TPMT: variants seen among roughly 807,000 people sequenced by gnomAD.
The protein encoded by TPMT is S-adenosyl-L-methionine:thiopurine S-methyltransferase.
In TPMT, 18 loss-of-function variants were observed where a neutral mutation model predicts 34.2. The observed-to-expected ratio is 0.53, with a 90% CI of 0.36 to 0.78. TPMT has a LOEUF of 0.78. Among genes scored for constraint, TPMT ranks in the 30% least tolerant of loss-of-function variants. The pLI, the probability that TPMT is intolerant of heterozygous loss-of-function variation, is 0.00. For missense variants in TPMT, 265 were observed against 288.1 expected (o/e 0.92, Z 0.58); for synonymous variants, 69 against 92.4 (o/e 0.75, Z 1.45).
Position 18,133,891 on chromosome 6 carries a change from T to A in TPMT, c.495-2A>T. The A allele has an allele frequency of 6.2e-7, 1 of 1,612,266 alleles. No homozygotes were observed. The highest frequency in any genetic ancestry group is 8.5e-7 in the Non-Finnish European group (1 of 1,178,414). On this transcript the variant is annotated splice_acceptor_variant, in intron 6 of 8. Transcript: ENST00000309983. LOFTEE classifies it high-confidence loss of function. Reference sequence around the variant, plus strand: ...AGGGAAAACATTGTATCTGCATAGCTACAAAGAACACAAGAAGGTATTTGT... The same window carrying A: ...AGGGAAAACATTGTATCTGCATAGCAACAAAGAACACAAGAAGGTATTTGT...
rs571841661 is a variant in TPMT, at chr6:18,130,874, C to G, written c.626-94G>C. ...TCAAAATTGGCTGGGTGCGGTGGCT[C>G]ACACCTGTAATCCCAACACTTTGGG... On this transcript the variant is annotated intron_variant, in intron 8 of 8. Transcript: ENST00000309983. The surrounding 1 kb of genome is among the most constrained non-coding windows in gnomAD (Gnocchi z 4.2). The G allele has an allele frequency of 7.3e-5, 73 of 999,968 alleles. No homozygotes were observed. Among genetic ancestry groups the G allele is most frequent in the African/African-American group, 4.8e-4 (30 of 62,530 alleles). The allele number at this position is 999,968 out of a possible 1,614,324, so 61.9% of individuals were successfully genotyped here.
Position 18,138,844 on chromosome 6 carries a change from T to C in TPMT, c.494+119A>G. The C allele has an allele frequency of 1.2e-6, 1 of 857,780 alleles. No homozygotes were observed. The highest frequency in any genetic ancestry group is 1.6e-5 in the South Asian group (1 of 63,962). The allele number at this position is 857,780 out of a possible 1,614,324, so 53.1% of individuals were successfully genotyped here. ...GTATTGGATTTAGGTTTTTATAAATTCCAAACATAATAACCTATTTCAAAC... is the reference window on the plus strand; with the variant it reads ...GTATTGGATTTAGGTTTTTATAAATCCCAAACATAATAACCTATTTCAAAC... On this transcript the variant is annotated intron_variant, in intron 6 of 8. Coordinates refer to ENST00000309983, the MANE Select transcript of TPMT (RefSeq NM_000367.5). This position sits in a 1 kb window ranked among gnomAD's most constrained non-coding sequence, Gnocchi z 4.1.
chr6:18,139,188 TGGGTGTGGAGA>T lies in TPMT; in HGVS notation c.420-162_420-152del. ...TTCCTCCTAGAGGAATGTGTGGACCTGGGTGTGGAGAGCTGTCCATCCCCTCATGGTTTTAG... is the reference window on the plus strand; with the variant it reads ...TTCCTCCTAGAGGAATGTGTGGACCTGCTGTCCATCCCCTCATGGTTTTAG... On this transcript the variant is annotated intron_variant, in intron 5 of 8. Coordinates refer to ENST00000309983, the MANE Select transcript of TPMT (RefSeq NM_000367.5). The surrounding 1 kb of genome is among the most constrained non-coding windows in gnomAD (Gnocchi z 4.2). 1 of 762,686 alleles carries T rather than the reference TGGGTGTGGAGA, an allele frequency of 1.3e-6. No individual in the cohort carries two copies. The highest frequency in any genetic ancestry group is 2.3e-6 in the Non-Finnish European group (1 of 437,418). 47.2% of individuals were successfully genotyped at this position (762,686 alleles called of 1,614,324 possible).
rs1254141319 is a variant in TPMT at position 18,145,081 on chromosome 6, A to T, written c.234-1353T>A. 6.6e-6 allele frequency among the ~76,000 whole-genome samples: 1 copy of T among 152,214 alleles called. No individual in the cohort carries two copies. The highest frequency in any genetic ancestry group is 1.9e-4 in the East Asian group (1 of 5,202). On this transcript the variant is annotated intron_variant, in intron 3 of 8. Coordinates refer to ENST00000309983, the MANE Select transcript of TPMT (RefSeq NM_000367.5). The surrounding 1 kb of genome is among the most constrained non-coding windows in gnomAD (Gnocchi z 5.6). Reference sequence around the variant, plus strand: ...AACAGTACCAGTGGTACAAATATCTAGGCACAGTTATGATTTTATGTCAAG... The same window carrying T: ...AACAGTACCAGTGGTACAAATATCTTGGCACAGTTATGATTTTATGTCAAG...
At chr6:18,141,974 C>T (rs2518465) in intron 4 of TPMT, among the ~76,000 whole-genome samples, 50,134 of 151,884 alleles carry the variant, frequency 0.33, 8,927 homozygotes, top group East Asian at 0.52. Context: ...ATGGTGCCAG[C>T]GAAGGGAAGA....
chr6:18,133,338 C>G (rs538615016), intron 7 of TPMT, among the ~76,000 whole-genome samples: 2 of 152,258 alleles, frequency 1.3e-5, no homozygotes, highest in African/African-American at 4.8e-5. Flanking sequence ...TATAAAACTT[C>G]AGAAATTAAA....
At position 18,150,494 on chromosome 6, in the gene TPMT, T is replaced by C. The variant is rs1490773912; in HGVS notation, c.-44-1323A>G. Among the ~76,000 whole-genome samples the C allele has an allele frequency of 6.6e-6, 1 of 152,194 alleles. No homozygotes were observed. The highest frequency in any genetic ancestry group is 1.5e-5 in the Non-Finnish European group (1 of 68,030). On this transcript the variant is annotated intron_variant, in intron 1 of 8. Transcript: ENST00000309983. The surrounding 1 kb of genome is among the most constrained non-coding windows in gnomAD (Gnocchi z 5.3). ...GGAATCTGCCCTGATTATTCTCTAA[T>C]CTTGGTAGACAGCTAGCTTTCTGGG...
Position 18,154,808 on chromosome 6 carries a change from C to T in TPMT, c.-45+225G>A, listed in dbSNP as rs1370963988. On this transcript the variant is annotated intron_variant, in intron 1 of 8. Transcript: ENST00000309983. This position sits in a 1 kb window ranked among gnomAD's most constrained non-coding sequence, Gnocchi z 4.2. ...AAGAAAAAAAAATAATTAAAACACA[C>T]CAGTGCTTTGGAAGCACTTTAAATC... 2.6e-5 allele frequency among the ~76,000 whole-genome samples: 4 copies of T among 152,142 alleles called. No homozygotes were observed. The highest frequency in any genetic ancestry group is 4.4e-5 in the Non-Finnish European group (3 of 68,016).
chr6:18,134,926 C>T (rs1325601012), intron 6 of TPMT, among the ~76,000 whole-genome samples: 1 of 152,188 alleles, frequency 6.6e-6, no homozygotes, highest in East Asian at 1.9e-4. Context: ...GGAGCCTGGG[C>T]TCTTGGCACT....
In TPMT at chr6:18,131,585, A is replaced by G. The variant is rs1438992417; in HGVS notation, c.625+548T>C. On this transcript the variant is annotated intron_variant, in intron 8 of 8. Coordinates refer to ENST00000309983, the MANE Select transcript of TPMT (RefSeq NM_000367.5). This position sits in a 1 kb window ranked among gnomAD's most constrained non-coding sequence, Gnocchi z 4.3. Reference sequence around the variant, plus strand: ...GACAGATCAAGATCCTATCTCAAAAATAAACAAATAAAAAAAAATATACCA... The same window carrying G: ...GACAGATCAAGATCCTATCTCAAAAGTAAACAAATAAAAAAAAATATACCA... Among the ~76,000 whole-genome samples, 1 of 152,196 alleles carries G rather than the reference A, an allele frequency of 6.6e-6. No individual in the cohort carries two copies. Among genetic ancestry groups the G allele is most frequent in the Non-Finnish European group, 1.5e-5 (1 of 68,030 alleles).
At position 18,143,117 on chromosome 6, in the gene TPMT, C is replaced by T. The variant is rs1784178481; in HGVS notation, c.366+479G>A. Among the ~76,000 whole-genome samples, 1 of 152,204 alleles carries T rather than the reference C, an allele frequency of 6.6e-6. No individual in the cohort carries two copies. The highest frequency in any genetic ancestry group is 2.1e-4 in the South Asian group (1 of 4,828). On this transcript the variant is annotated intron_variant, in intron 4 of 8. Coordinates refer to ENST00000309983, the MANE Select transcript of TPMT (RefSeq NM_000367.5). The surrounding 1 kb of genome is among the most constrained non-coding windows in gnomAD (Gnocchi z 6.1). ...CTATCTGTCACCATGCTTCAGGAAG[C>T]ACCGCCAGGTTGGGCAGGTAACTCC...
In TPMT at chr6:18,149,221, A is replaced by C; in HGVS notation, c.-44-50T>G. The C allele has an allele frequency of 6.9e-7, 1 of 1,444,322 alleles. No individual in the cohort carries two copies. Among genetic ancestry groups the C allele is most frequent in the African/African-American group, 1.4e-5 (1 of 71,636 alleles). The allele number at this position is 1,444,322 out of a possible 1,614,324, so 89.5% of individuals were successfully genotyped here. On this transcript the variant is annotated intron_variant, in intron 1 of 8. Coordinates refer to ENST00000309983, the MANE Select transcript of TPMT (RefSeq NM_000367.5). This position sits in a 1 kb window ranked among gnomAD's most constrained non-coding sequence, Gnocchi z 5.0. ...TGTCATTTAAGGTCATTGGAATTCTATTGATGAACTAAATGAAAACCTATT... is the reference window on the plus strand; with the variant it reads ...TGTCATTTAAGGTCATTGGAATTCTCTTGATGAACTAAATGAAAACCTATT...
chr6:18,146,888 G>T lies in TPMT; in HGVS notation c.233+935C>A, dbSNP rs370069990. 6.6e-6 allele frequency among the ~76,000 whole-genome samples: 1 copy of T among 152,092 alleles called. No homozygotes were observed. Among genetic ancestry groups the T allele is most frequent in the Non-Finnish European group, 1.5e-5 (1 of 68,028 alleles). On this transcript the variant is annotated intron_variant, in intron 3 of 8. Transcript: ENST00000309983. The surrounding 1 kb of genome is among the most constrained non-coding windows in gnomAD (Gnocchi z 6.2). ...CCCAAAAAATGCATGCATACTCTGC[G>T]TTAGTCACCGATATTTATATTCAGA... is the stretch of plus-strand genomic sequence containing the variant.
intron 6 of TPMT, 53 bp from the exon 7 acceptor site, chr6:18,133,942 T>C: frequency 1.4e-6 from 2 of 1,480,180 alleles, no homozygotes; most frequent in East Asian, 2.3e-5. Flanking sequence ...AGGCAAAGGC[T>C]GGAGGGACAA....
At position 18,130,748 on chromosome 6, in the gene TPMT, C is replaced by A. The variant is rs564243645; in HGVS notation, c.658G>T (p.Val220Phe). The change falls in exon 9 of 9, where the codon GTT becomes TTT. Residue 220 changes from valine (V) to phenylalanine (F), a missense_variant. By Grantham distance (50) the Val-to-Phe change is conservative (BLOSUM62 -1). Transcript: ENST00000309983. This position sits in a 1 kb window ranked among gnomAD's most constrained non-coding sequence, Gnocchi z 4.2. ...TTATGTCGTTCTTCAAAAGCATCAA[C>A]CTTCTCAAGACAACGTATATTGCAT... is the stretch of plus-strand genomic sequence containing the variant. ...KICNIRCLEKVDAFEERHKSW... is the reference protein window; with the variant it reads ...KICNIRCLEKFDAFEERHKSW... 21 of 1,613,676 alleles carry A rather than the reference C, an allele frequency of 1.3e-5. No individual in the cohort carries two copies. The African/African-American group carries it at 1.7e-4, about 13-fold the overall frequency.
Position 18,149,217 on chromosome 6 carries a change from T to A in TPMT, c.-44-46A>T. On this transcript the variant is annotated intron_variant, in intron 1 of 8. Transcript: ENST00000309983. This position sits in a 1 kb window ranked among gnomAD's most constrained non-coding sequence, Gnocchi z 5.0. Reference sequence around the variant, plus strand: ...ATGTTGTCATTTAAGGTCATTGGAATTCTATTGATGAACTAAATGAAAACC... The same window carrying A: ...ATGTTGTCATTTAAGGTCATTGGAAATCTATTGATGAACTAAATGAAAACC... 2 of 1,490,608 alleles carry A rather than the reference T, an allele frequency of 1.3e-6. No homozygotes were observed. Among genetic ancestry groups the A allele is most frequent in the Non-Finnish European group, 1.9e-6 (2 of 1,072,068 alleles). 92.3% of individuals were successfully genotyped at this position (1,490,608 alleles called of 1,614,324 possible). A position where few individuals can be genotyped will look rare whatever the true frequency, so the allele number is the denominator to read the frequency against.
chr6:18,139,246 C>G lies in TPMT; in HGVS notation c.420-209G>C, dbSNP rs1479720064. 6.6e-6 allele frequency among the ~76,000 whole-genome samples: 1 copy of G among 152,130 alleles called. No homozygotes were observed. Among genetic ancestry groups the G allele is most frequent in the African/African-American group, 2.4e-5 (1 of 41,418 alleles). ...TTAGGAGCCTGTGGCAGCAGCCTCC[C>G]CACTCTGTTATGATTTGGGGACATG... On this transcript the variant is annotated intron_variant, in intron 5 of 8. Coordinates refer to ENST00000309983, the MANE Select transcript of TPMT (RefSeq NM_000367.5). This position sits in a 1 kb window ranked among gnomAD's most constrained non-coding sequence, Gnocchi z 4.2.
rs904259156 is a variant in TPMT, at chr6:18,142,978, T to C, written c.366+618A>G. On this transcript the variant is annotated intron_variant, in intron 4 of 8. Transcript: ENST00000309983. ...CCACTGCCATAGCCTCCTGTCTCTC[T>C]GCCAGGAGGCTACTTCCCTTCAAAT... 2.0e-4 allele frequency among the ~76,000 whole-genome samples: 30 copies of C among 152,122 alleles called. 1 individual carries two copies. The Middle Eastern group carries it at 9.5e-3, about 48-fold the overall frequency.
In TPMT at chr6:18,146,664, G is replaced by A. The variant is rs139160621; in HGVS notation, c.233+1159C>T. 8.2e-4 allele frequency among the ~76,000 whole-genome samples: 125 copies of A among 152,106 alleles called. 1 individual carries two copies. Among genetic ancestry groups the A allele is most frequent in the Non-Finnish European group, 1.6e-3 (110 of 67,980 alleles). ...TCTGTTTATAGAGTTAATTTTTTTT[G>A]AGGGTAATTTTGAAAGTAACTATCT... is the stretch of plus-strand genomic sequence containing the variant. On this transcript the variant is annotated intron_variant, in intron 3 of 8. Coordinates refer to ENST00000309983, the MANE Select transcript of TPMT (RefSeq NM_000367.5). This position sits in a 1 kb window ranked among gnomAD's most constrained non-coding sequence, Gnocchi z 6.2.
Sources: gnomAD v4.1 joint callset for allele counts (sites outside exome capture counted in the v4.1 genomes callset) on GRCh38, gnomAD v4.1.1 for gene constraint, Gnocchi (gnomAD v3.1) non-coding constraint, MANE v1.5 for transcripts, NCBI Gene and HGNC (gene_info 2026-07-23, HGNC 2026-07-21) for gene names.